The following LYRM1 variants were observed in gnomAD, a reference collection of about 807,000 sequenced individuals.
LYRM1 encodes the protein LYR motif containing 1, also known as LYR motif-containing protein 1.
LYRM1 carries 14 observed loss-of-function variants against 14.9 expected under a neutral mutation model. That is an observed-to-expected ratio of 0.94 (90% CI 0.62 to 1.47). The LOEUF is 1.47. Ranked by LOEUF, LYRM1 falls within the 40% of genes most tolerant of loss-of-function variation. LYRM1 has a pLI of 0.00. For missense variants in LYRM1, 153 were observed against 149.9 expected (o/e 1.02, Z -0.11); for synonymous variants, 43 against 56.2 (o/e 0.77, Z 1.05).
At chr16:20,919,246 G>A (rs1214178796) in intron 2 of LYRM1, among the ~76,000 whole-genome samples, 9 of 152,180 alleles carry the variant, frequency 5.9e-5, no homozygotes, top group Admixed American at 2.6e-4. Context: ...TTTAAGAGGT[G>A]TAGATCATTC....
At chr16:20,910,246 T>G (rs1028781685) in intron 1 of LYRM1, among the ~76,000 whole-genome samples, 6 of 152,218 alleles carry the variant, frequency 3.9e-5, no homozygotes, top group African/African-American at 1.2e-4. Context: ...CATTTTTCTT[T>G]TCTTGCCTTT....
intron 3 of LYRM1, among the ~76,000 whole-genome samples, chr16:20,923,649 C>T (rs979905423): frequency 1.3e-5 from 2 of 152,166 alleles, no homozygotes; most frequent in African/African-American, 2.4e-5. Flanking sequence ...TCTTTGGATT[C>T]TCAACTTGCT....
At chr16:20,905,596 G>C (rs2082278942) in intron 1 of LYRM1, among the ~76,000 whole-genome samples, 1 of 152,020 alleles carries the variant, frequency 6.6e-6, no homozygotes, top group Non-Finnish European at 1.5e-5. Flanking sequence ...TGAGTATAGT[G>C]GACCTTATTC....
chr16:20,921,710 A>T (rs1171266660), intron 3 of LYRM1: 3 of 69,380 alleles, frequency 4.3e-5, no homozygotes, highest in Admixed American at 2.4e-4. Flanking sequence ...CAAATTTCTT[A>T]AAAAAAAAAA....
At chr16:20,916,849 CAT>C (rs533707210) in intron 2 of LYRM1, among the ~76,000 whole-genome samples, 47 of 152,290 alleles carry the variant, frequency 3.1e-4, no homozygotes, top group African/African-American at 1.1e-3. Context: ...CGAAGACAAA[CAT>C]AAGCCAAACC....
At chr16:20,913,538 C>T (rs2082710029) in intron 1 of LYRM1, among the ~76,000 whole-genome samples, 1 of 152,094 alleles carries the variant, frequency 6.6e-6, no homozygotes, top group Admixed American at 6.5e-5. Context: ...TCTTGAACTC[C>T]TTACCTCAAG....
Position 20,924,002 on chromosome 16 carries a change from T to G in LYRM1, c.255T>G (p.Ile85Met), listed in dbSNP as rs192451103. The change falls in exon 4 of 4, where the codon ATT (isoleucine) becomes ATG (methionine). Residue 85 changes from isoleucine to methionine, a missense_variant and splice_region_variant. By Grantham distance (10) the Ile-to-Met change is conservative. Transcript: ENST00000567954. ...TTCATATTATTGTTCTTATTCAGAT[T>G]CATCTGCCTCCAATGGGCCTTACCC... is the stretch of plus-strand genomic sequence containing the variant. Reference protein sequence around the residue: ...LHYKIPYPRPIHLPPMGLTPL... With the variant: ...LHYKIPYPRPMHLPPMGLTPL... 2.6e-6 allele frequency: 4 copies of G among 1,556,210 alleles called. No individual in the cohort carries two copies. The Admixed American group carries it at 7.2e-5, about 28-fold the overall frequency.
At position 20,915,534 on chromosome 16, in the gene LYRM1, T is replaced by G. The variant is rs775997077; in HGVS notation, c.1-22T>G. Reference sequence around the variant, plus strand: ...TGCATTTTTATGCAAATTTTCCCTCTTCTATTTTGGTGGGTCTGAAGATGA... The same window carrying G: ...TGCATTTTTATGCAAATTTTCCCTCGTCTATTTTGGTGGGTCTGAAGATGA... On this transcript the variant is annotated intron_variant, in intron 1 of 3. Coordinates refer to ENST00000567954, the MANE Select transcript of LYRM1 (RefSeq NM_001128302.3). 4 of 1,604,058 alleles carry G rather than the reference T, an allele frequency of 2.5e-6. No individual in the cohort carries two copies. The South Asian group carries it at 4.4e-5, about 18-fold the overall frequency.
chr16:20,920,313 C>A (rs1408051601), intron 3 of LYRM1, 99 bp downstream of exon 3: 6 of 885,268 alleles, frequency 6.8e-6, no homozygotes, highest in South Asian at 6.7e-5. Flanking sequence ...TGCTGAGAAG[C>A]CCAGAGCTGC....
chr16:20,900,235 T>C (rs1405385497), upstream of LYRM1: 1 of 140,538 alleles, frequency 7.1e-6, no homozygotes, highest in African/African-American at 2.7e-5. Flanking sequence ...AGTCAAACCC[T>C]TTCTGGAAAC....
In LYRM1 at chr16:20,915,548, G is replaced by T. The variant is rs763597237; in HGVS notation, c.1-8G>T. The T allele has an allele frequency of 3.7e-6, 6 of 1,613,560 alleles. No individual in the cohort carries two copies. In the Admixed American group the frequency reaches 1.0e-4, roughly 27 times the overall value. On this transcript the variant is annotated splice_polypyrimidine_tract_variant and splice_region_variant and intron_variant, in intron 1 of 3. Transcript: ENST00000567954. ...AATTTTCCCTCTTCTATTTTGGTGG[G>T]TCTGAAGATGACAACGGCAACACGA... is the stretch of plus-strand genomic sequence containing the variant.
rs1242152869 is a variant in LYRM1 at position 20,923,092 on chromosome 16, G to T, written c.253-908G>T. Among the ~76,000 whole-genome samples the T allele has an allele frequency of 6.6e-5, 10 of 152,262 alleles. No homozygotes were observed. In the East Asian group the frequency reaches 1.9e-3, roughly 29 times the overall value. On this transcript the variant is annotated intron_variant, in intron 3 of 3. Transcript: ENST00000567954. Reference sequence around the variant, plus strand: ...CCATTCACACTGGGGAGGGCCATGTGCTTTACTAAGTCCACTGATTCAAAT... The same window carrying T: ...CCATTCACACTGGGGAGGGCCATGTTCTTTACTAAGTCCACTGATTCAAAT...
intron 1 of LYRM1, among the ~76,000 whole-genome samples, chr16:20,912,572 G>A (rs1489532208): frequency 1.3e-5 from 2 of 151,910 alleles, no homozygotes; most frequent in African/African-American, 4.8e-5. Flanking sequence ...CGCCCAGCCG[G>A]CCTTAAATAA....
chr16:20,907,558 C>T (rs2152533171), intron 1 of LYRM1, among the ~76,000 whole-genome samples: 1 of 152,032 alleles, frequency 6.6e-6, no homozygotes, highest in South Asian at 2.1e-4. Flanking sequence ...GATGGGATCT[C>T]CCCGTGTTGC....
At chr16:20,904,745 T>C (rs945261453) in intron 1 of LYRM1, among the ~76,000 whole-genome samples, 1 of 147,368 alleles carries the variant, frequency 6.8e-6, no homozygotes, top group African/African-American at 2.5e-5. Context: ...TAGGAGGATA[T>C]GGGACCAGAA....
intron 1 of LYRM1, among the ~76,000 whole-genome samples, chr16:20,912,689 A>C (rs1478249369): frequency 6.6e-6 from 1 of 152,200 alleles, no homozygotes; most frequent in Non-Finnish European, 1.5e-5. Context: ...TATGAACCAG[A>C]GCCATGTGTA....
At chr16:20,904,136 A>T (rs2082200552) in intron 1 of LYRM1, among the ~76,000 whole-genome samples, 1 of 152,188 alleles carries the variant, frequency 6.6e-6, no homozygotes, top group South Asian at 2.1e-4. Context: ...TATGCTAATA[A>T]GGAAACATAC....
At chr16:20,915,893 T>C (rs1390163016) in intron 2 of LYRM1, among the ~76,000 whole-genome samples, 179 bp downstream of exon 2, 1 of 152,162 alleles carries the variant, frequency 6.6e-6, no homozygotes, top group Non-Finnish European at 1.5e-5. Flanking sequence ...AAGCCTGTGT[T>C]TCTCTCTTCA....
rs1206181486 is a variant in LYRM1, at chr16:20,913,870, C to G, written c.1-1686C>G. On this transcript the variant is annotated intron_variant, in intron 1 of 3. Transcript: ENST00000567954. ...GTCACCCAGGCTGGAGTGCAGTGGC[C>G]GGATCTCAGCTTACTGCAAGCTCCG... Among the ~76,000 whole-genome samples, 5 of 151,070 alleles carry G rather than the reference C, an allele frequency of 3.3e-5. No homozygotes were observed. In the South Asian group the frequency reaches 1.0e-3, roughly 32 times the overall value.
Sources: gnomAD v4.1 joint callset for allele counts (sites outside exome capture counted in the v4.1 genomes callset) on GRCh38, gnomAD v4.1.1 for gene constraint, MANE v1.5 for transcripts, NCBI Gene and HGNC (gene_info 2026-07-23, HGNC 2026-07-21) for gene names.